FIG4: variants seen among roughly 807,000 people sequenced by gnomAD.
FIG4 encodes the protein FIG4 phosphoinositide 5-phosphatase, also known as polyphosphoinositide phosphatase.
In FIG4, 112 loss-of-function variants were observed where a neutral mutation model predicts 118.6. The observed-to-expected ratio is 0.94, with a 90% CI of 0.81 to 1.11. The LOEUF (loss-of-function observed/expected upper bound fraction) is 1.11. FIG4 is among the 50% of genes least tolerant of loss of function. The probability of loss-of-function intolerance (pLI) is 0.00; values close to 1 mark genes in which losing one functional copy is unlikely to be tolerated. For synonymous variants in FIG4, 369 were observed against 381.2 expected (o/e 0.97, Z 0.37); for missense variants, 969 against 1,111.7 (o/e 0.87, Z 1.83).
chr6:109,736,011 C>T (rs184507596), intron 6 of FIG4, among the ~76,000 whole-genome samples: 3 of 152,024 alleles, frequency 2.0e-5, no homozygotes, highest in East Asian at 1.9e-4. Context: ...ATACCTTTAT[C>T]GCCAAATTTT....
At chr6:109,798,318 T>G (rs1032881338) in intron 22 of FIG4, among the ~76,000 whole-genome samples, 1 of 152,050 alleles carries the variant, frequency 6.6e-6, no homozygotes, top group Non-Finnish European at 1.5e-5. Flanking sequence ...ACCCTTAGGT[T>G]TTTTGGTTTG....
intron 3 of FIG4, among the ~76,000 whole-genome samples, chr6:109,721,039 G>C (rs1053063038): frequency 6.6e-6 from 1 of 152,112 alleles, no homozygotes; most frequent in Non-Finnish European, 1.5e-5. Context: ...CCTTAGGTAC[G>C]TGTCCTTTTT....
chr6:109,691,377 G>C lies in FIG4; in HGVS notation c.-59G>C, dbSNP rs1015381926. The C allele has an allele frequency of 5.6e-6, 8 of 1,435,988 alleles. No homozygotes were observed. The highest frequency in any genetic ancestry group is 2.8e-5 in the African/African-American group (2 of 71,084). 89.0% of individuals were successfully genotyped at this position (1,435,988 alleles called of 1,614,324 possible). A position where few individuals can be genotyped will look rare whatever the true frequency, so the allele number is the denominator to read the frequency against. On this transcript the variant is annotated 5_prime_UTR_variant, in exon 1 of 23. Transcript: ENST00000230124. ...AGGGCCTGAGGGGTTTTCTCGCCGA[G>C]TCTCCTGGGGCGGTCCGGAGGCTCG...
At chr6:109,777,348 T>C (rs1777652459) in intron 16 of FIG4, among the ~76,000 whole-genome samples, 1 of 152,212 alleles carries the variant, frequency 6.6e-6, no homozygotes, top group South Asian at 2.1e-4. Flanking sequence ...AGTTCCGTAC[T>C]ATTGATGTCC....
At chr6:109,748,669 A>C (rs1003742969) in intron 10 of FIG4, among the ~76,000 whole-genome samples, 1 of 152,146 alleles carries the variant, frequency 6.6e-6, no homozygotes, top group Non-Finnish European at 1.5e-5. Context: ...ATTTATAAAG[A>C]AAAAGAGGTT....
At chr6:109,742,878 GT>G (rs1052456798) in intron 8 of FIG4, among the ~76,000 whole-genome samples, 55 of 151,344 alleles carry the variant, frequency 3.6e-4, no homozygotes, top group Non-Finnish European at 7.8e-4. Flanking sequence ...AGATTAATTT[GT>G]TTTTTTCTAG....
chr6:109,762,139 GGT>G lies in FIG4; in HGVS notation c.1322_1323del (p.Val441GlufsTer11). 6.2e-7 allele frequency: 1 copy of G among 1,613,718 alleles called. No individual in the cohort carries two copies. The highest frequency in any genetic ancestry group is 8.5e-7 in the Non-Finnish European group (1 of 1,179,692). On this transcript the variant is annotated frameshift_variant, in exon 12 of 23. Coordinates refer to ENST00000230124, the MANE Select transcript of FIG4 (RefSeq NM_014845.6). LOFTEE classifies it high-confidence loss of function. ...GACTAAATGTGATTGCAGAAAGTGT[GGT>G]GAAGAAAACAGGTTTCTTTGTAAAC... is the stretch of plus-strand genomic sequence containing the variant. Reference protein sequence around the residue: ...DRLNVIAESVVKKTGFFVNRP... With the variant: ...DRLNVIAESVXKKTGFFVNRP...
intron 10 of FIG4, among the ~76,000 whole-genome samples, chr6:109,758,182 G>T (rs1190325033): frequency 6.6e-6 from 1 of 152,188 alleles, no homozygotes; most frequent in Non-Finnish European, 1.5e-5. Flanking sequence ...AAAGCTGTAG[G>T]CATCATGCTA....
intron 7 of FIG4, among the ~76,000 whole-genome samples, chr6:109,739,756 CA>C (rs959217209): frequency 3.2e-4 from 49 of 151,226 alleles, no homozygotes; most frequent in Non-Finnish European, 4.3e-4. Flanking sequence ...TAATAATGTA[CA>C]AAAAAAAATT....
rs909921927 is a variant in FIG4 at position 109,791,502 on chromosome 6, G to A, written c.2307G>A (p.Glu769=). The change falls in exon 20 of 23, where the codon GAG becomes GAA. Residue 769 remains glutamate (E), a synonymous_variant. Transcript: ENST00000230124. ...ACTCTGGGACTGATCGGGAAGAAGA[G>A]GGCTCTGTGTCTCAGCGCTCCACTC... is the stretch of plus-strand genomic sequence containing the variant. ...EDDSGTDREE[E]GSVSQRSTPV... 1.2e-6 allele frequency: 2 copies of A among 1,613,952 alleles called. No individual in the cohort carries two copies. The highest frequency in any genetic ancestry group is 1.7e-6 in the Non-Finnish European group (2 of 1,180,044).
At chr6:109,795,001 C>T (rs1188187757) in intron 21 of FIG4, among the ~76,000 whole-genome samples, 1 of 151,064 alleles carries the variant, frequency 6.6e-6, no homozygotes, top group African/African-American at 2.4e-5. Context: ...TCTATGTCTT[C>T]CTTTTCCCTC....
chr6:109,753,091 A>G (rs907181174), intron 10 of FIG4, among the ~76,000 whole-genome samples: 40 of 152,206 alleles, frequency 2.6e-4, no homozygotes, highest in African/African-American at 9.4e-4. Context: ...TTTATTAAAT[A>G]GGGAATCCTT....
At position 109,762,071 on chromosome 6, in the gene FIG4, A is replaced by G. The variant is rs1291038275; in HGVS notation, c.1272-20A>G. 2.0e-6 allele frequency: 3 copies of G among 1,468,482 alleles called. No homozygotes were observed. Among genetic ancestry groups the G allele is most frequent in the South Asian group, 2.3e-5 (2 of 88,050 alleles). The allele number at this position is 1,468,482 out of a possible 1,614,324, so 91.0% of individuals were successfully genotyped here. A position where few individuals can be genotyped will look rare whatever the true frequency, so the allele number is the denominator to read the frequency against. The stretch of plus-strand genomic sequence containing the variant: ...TAAAACTTGGCTTCTCACTTTTCTC[A>G]TTCTTCCTTCTCTCCTCAGCAAGCT... On this transcript the variant is annotated intron_variant, in intron 11 of 22. Coordinates refer to ENST00000230124, the MANE Select transcript of FIG4 (RefSeq NM_014845.6).
intron 7 of FIG4, among the ~76,000 whole-genome samples, chr6:109,739,415 A>G (rs1776256597): frequency 1.3e-5 from 2 of 152,102 alleles, no homozygotes; most frequent in African/African-American, 4.8e-5. Flanking sequence ...TGCATTCAGC[A>G]TGTTTTCTAG....
At chr6:109,738,901 C>T (rs1776241301) in intron 7 of FIG4, among the ~76,000 whole-genome samples, 1 of 152,068 alleles carries the variant, frequency 6.6e-6, no homozygotes, top group Admixed American at 6.5e-5. Flanking sequence ...TGGGAGTGTT[C>T]TCATGGCTTG....
At chr6:109,805,411 CTTACTT>C (rs1350228028) in intron 22 of FIG4, among the ~76,000 whole-genome samples, 1 of 152,162 alleles carries the variant, frequency 6.6e-6, no homozygotes, top group East Asian at 1.9e-4. Context: ...TTATATTTAA[CTTACTT>C]TTAGAATCCT....
intron 21 of FIG4, among the ~76,000 whole-genome samples, chr6:109,794,368 G>T (rs1778219518): frequency 6.6e-6 from 1 of 152,152 alleles, no homozygotes. Context: ...ATCATAATCA[G>T]CTGCCTCTGC....
intron 1 of FIG4, among the ~76,000 whole-genome samples, chr6:109,711,994 G>T (rs571080076): frequency 1.3e-5 from 2 of 152,280 alleles, no homozygotes; most frequent in South Asian, 4.2e-4. Flanking sequence ...TGAAAAGGAT[G>T]TATTTCTCCT....
intron 4 of FIG4, among the ~76,000 whole-genome samples, chr6:109,730,994 G>T (rs1775983713): frequency 6.6e-6 from 1 of 152,080 alleles, no homozygotes; most frequent in South Asian, 2.1e-4. Context: ...TTATTATTTA[G>T]AATGTGGGAA....
Sources: allele counts gnomAD v4.1 joint callset (sites outside exome capture counted in the v4.1 genomes callset), GRCh38; gene constraint gnomAD v4.1.1; transcripts MANE v1.5; gene names NCBI Gene and HGNC (gene_info 2026-07-23, HGNC 2026-07-21).